Variants in RSBN1L observed in about 807,000 individuals in gnomAD.
The protein encoded by RSBN1L is round spermatid basic protein 1 like.
In RSBN1L, 30 loss-of-function variants were observed where a neutral mutation model predicts 67.7. The observed-to-expected ratio is 0.44, with a 90% confidence interval of 0.33 to 0.60. The LOEUF (loss-of-function observed/expected upper bound fraction) is 0.60, where lower values mean the gene tolerates loss of function less well. RSBN1L is among the 20% of genes least tolerant of loss of function. RSBN1L has a pLI of 0.02. For synonymous variants in RSBN1L, 433 were observed against 387.0 expected, an observed-to-expected ratio of 1.12 and a Z score of -1.39; for missense variants, 992 against 1,031.7, an observed-to-expected ratio of 0.96 and a Z score of 0.53.
At chr7:77,699,131 G>T (rs532260019) in intron 1 of RSBN1L, among the ~76,000 whole-genome samples, 2 of 152,278 alleles carry the variant, frequency 1.3e-5, no homozygotes, top group South Asian at 2.1e-4. Flanking sequence ...TAGTGAATGG[G>T]TGACCAAGTG....
intron 1 of RSBN1L, among the ~76,000 whole-genome samples, chr7:77,715,533 T>G (rs1791037028): frequency 6.6e-6 from 1 of 152,114 alleles, no homozygotes; most frequent in Non-Finnish European, 1.5e-5. Flanking sequence ...GGTCTCGAAC[T>G]CCTGGCCTCA....
chr7:77,710,483 T>C (rs1790957850), intron 1 of RSBN1L, among the ~76,000 whole-genome samples: 1 of 152,204 alleles, frequency 6.6e-6, no homozygotes, highest in Non-Finnish European at 1.5e-5. Context: ...TAATGTCTGC[T>C]CATCTCTCTA....
At chr7:77,733,676 G>C (rs1791297853) in intron 1 of RSBN1L, among the ~76,000 whole-genome samples, 1 of 151,960 alleles carries the variant, frequency 6.6e-6, no homozygotes, top group Non-Finnish European at 1.5e-5. Context: ...CTTTCAGTTT[G>C]TTTTTGGAAT....
chr7:77,754,986 C>CTG (rs143829757), intron 3 of RSBN1L, among the ~76,000 whole-genome samples: 1 of 151,876 alleles, frequency 6.6e-6, no homozygotes, highest in African/African-American at 2.4e-5. Flanking sequence ...TATCTATTCA[C>CTG]TATATATATA....
chr7:77,707,313 C>T (rs1038738835), intron 1 of RSBN1L, among the ~76,000 whole-genome samples: 5 of 152,106 alleles, frequency 3.3e-5, no homozygotes, highest in African/African-American at 4.8e-5. Flanking sequence ...CTTGAGCAAC[C>T]GTGTCTGGCC....
At chr7:77,770,692 A>T (rs1297753195) in intron 5 of RSBN1L, among the ~76,000 whole-genome samples, 1 of 152,160 alleles carries the variant, frequency 6.6e-6, no homozygotes, top group Non-Finnish European at 1.5e-5. Context: ...TAAAAAAAAA[A>T]TGGTGAAATA....
At chr7:77,704,776 C>G (rs374861016) in intron 1 of RSBN1L, among the ~76,000 whole-genome samples, 1 of 151,848 alleles carries the variant, frequency 6.6e-6, no homozygotes, top group Non-Finnish European at 1.5e-5. Context: ...TCAAGGAGTT[C>G]GAGACTAGCC....
chr7:77,721,226 GTTTT>G (rs551342749), intron 1 of RSBN1L, among the ~76,000 whole-genome samples: 1 of 141,736 alleles, frequency 7.1e-6, no homozygotes, highest in Non-Finnish European at 1.6e-5. Flanking sequence ...TGGTAATTTT[GTTTT>G]TTTTTTTTCT....
At chr7:77,717,792 C>G (rs545105261) in intron 1 of RSBN1L, among the ~76,000 whole-genome samples, 1 of 152,026 alleles carries the variant, frequency 6.6e-6, no homozygotes, top group Admixed American at 6.6e-5. Context: ...CTGAGGTGGG[C>G]GGATCACCTG....
chr7:77,767,167 A>G lies in RSBN1L; in HGVS notation c.1483-1494A>G, dbSNP rs922905480. On this transcript the variant is annotated intron_variant, in intron 4 of 7. Coordinates refer to ENST00000334955, the MANE Select transcript of RSBN1L (RefSeq NM_198467.3). ...TAGCTTTGAAGTCCTGGGCTCAAGC[A>G]GTCCTCCTGCTTCAGCCTCCCAAAG... is the stretch of plus-strand genomic sequence containing the variant. Among the ~76,000 whole-genome samples the G allele has an allele frequency of 6.0e-5, 9 of 151,154 alleles. No individual in the cohort carries two copies. In the East Asian group the frequency reaches 1.8e-3, roughly 30 times the overall value.
chr7:77,703,476 G>GT (rs1562792479), intron 1 of RSBN1L, among the ~76,000 whole-genome samples: 1 of 101,528 alleles, frequency 9.8e-6, no homozygotes, highest in African/African-American at 3.6e-5. Flanking sequence ...CTACTGTTTG[G>GT]GTTTTTTTTT....
intron 1 of RSBN1L, among the ~76,000 whole-genome samples, chr7:77,730,625 A>G (rs1791261120): frequency 6.6e-6 from 1 of 152,122 alleles, no homozygotes. Context: ...TGCCTTTTCC[A>G]CAGCGTCATA....
intron 2 of RSBN1L, among the ~76,000 whole-genome samples, chr7:77,736,802 A>G (rs1305729871): frequency 6.6e-6 from 1 of 152,194 alleles, no homozygotes; most frequent in Non-Finnish European, 1.5e-5. Context: ...CTATGTTTGC[A>G]TTACTAGTCT....
In RSBN1L at chr7:77,705,510, G is replaced by GTT. The variant is rs56187940; in HGVS notation, c.586+8473_586+8474dup. On this transcript the variant is annotated intron_variant, in intron 1 of 7. Transcript: ENST00000334955. Reference sequence around the variant, plus strand: ...ACCACTAGGTCTCTCCATTGTAATGGTTTTTTTTTTTTTTTTTTTGTGATG... The same window carrying GTT: ...ACCACTAGGTCTCTCCATTGTAATGGTTTTTTTTTTTTTTTTTTTTTGTGATG... Among the ~76,000 whole-genome samples the GTT allele has an allele frequency of 1.4e-3, 153 of 111,478 alleles. 13 individuals are homozygous for GTT. Among genetic ancestry groups the GTT allele is most frequent in the African/African-American group, 3.4e-3 (90 of 26,112 alleles). The allele number at this position is 111,478 out of a possible 152,430, so 73.1% of individuals were successfully genotyped here. A position where few individuals can be genotyped will look rare whatever the true frequency, so the allele number is the denominator to read the frequency against.
chr7:77,760,155 A>G (rs927943812), intron 3 of RSBN1L, among the ~76,000 whole-genome samples: 1 of 152,312 alleles, frequency 6.6e-6, no homozygotes, highest in African/African-American at 2.4e-5. Context: ...AGAATAGGCT[A>G]CTTTTTTCCC....
At chr7:77,728,508 G>A (rs776950256) in intron 1 of RSBN1L, among the ~76,000 whole-genome samples, 1 of 152,046 alleles carries the variant, frequency 6.6e-6, no homozygotes. Flanking sequence ...ATAGGTTCAC[G>A]CCCAGAAGAC....
At chr7:77,699,208 C>G (rs896041522) in intron 1 of RSBN1L, among the ~76,000 whole-genome samples, 1 of 152,114 alleles carries the variant, frequency 6.6e-6, no homozygotes, top group Non-Finnish European at 1.5e-5. Flanking sequence ...AGTAACCCCT[C>G]AATTATCCAC....
chr7:77,698,108 T>C (rs1476991138), intron 1 of RSBN1L, among the ~76,000 whole-genome samples: 1 of 152,204 alleles, frequency 6.6e-6, no homozygotes, highest in Non-Finnish European at 1.5e-5. Context: ...TCATGAAAAA[T>C]TCTGTTTGGA....
At chr7:77,766,703 T>C (rs141055936) in intron 4 of RSBN1L, among the ~76,000 whole-genome samples, 44 of 152,284 alleles carry the variant, frequency 2.9e-4, no homozygotes, top group African/African-American at 9.6e-4. Flanking sequence ...CTGTGGAATG[T>C]GACAAGATTT....
Sources: gnomAD v4.1 joint callset for allele counts (sites outside exome capture counted in the v4.1 genomes callset) on GRCh38, gnomAD v4.1.1 for gene constraint, MANE v1.5 for transcripts, NCBI Gene and HGNC (gene_info 2026-07-23, HGNC 2026-07-21) for gene names.